KPNA4: variants seen among roughly 807,000 people sequenced by gnomAD.
The protein encoded by KPNA4 is importin subunit alpha-3.
In KPNA4, 13 loss-of-function variants were observed where a neutral mutation model predicts 71.3. The observed-to-expected ratio is 0.18, with a 90% confidence interval of 0.12 to 0.29. The LOEUF is 0.29. Ranked by LOEUF, KPNA4 falls within the 10% of genes least tolerant of loss-of-function variation. KPNA4 has a pLI of 1.00. For synonymous variants in KPNA4, 189 were observed against 195.2 expected, an observed-to-expected ratio of 0.97 and a Z score of 0.26; for missense variants, 334 against 603.2, an observed-to-expected ratio of 0.55 and a Z score of 4.67.
At chr3:160,527,477 T>C (rs1318036536) in intron 8 of KPNA4, among the ~76,000 whole-genome samples, 1 of 152,236 alleles carries the variant, frequency 6.6e-6, no homozygotes. Flanking sequence ...TTTTATACAT[T>C]ACTAAATTCT....
At chr3:160,547,806 G>T (rs1294509185) in intron 1 of KPNA4, among the ~76,000 whole-genome samples, 5 of 152,140 alleles carry the variant, frequency 3.3e-5, no homozygotes, top group Non-Finnish European at 5.9e-5. Flanking sequence ...ATAGTTGGAA[G>T]TATAGAGTAT....
chr3:160,564,907 C>T (rs1722310505), intron 1 of KPNA4, among the ~76,000 whole-genome samples: 1 of 146,998 alleles, frequency 6.8e-6, no homozygotes, highest in Non-Finnish European at 1.5e-5. Context: ...ACGCCTCCTC[C>T]GCACGCGCCG....
intron 5 of KPNA4, among the ~76,000 whole-genome samples, chr3:160,534,478 G>A (rs1424234594): frequency 6.6e-6 from 1 of 151,980 alleles, no homozygotes; most frequent in Non-Finnish European, 1.5e-5. Flanking sequence ...CCAGCACTTT[G>A]GGAGGCTGAG....
intron 13 of KPNA4, among the ~76,000 whole-genome samples, chr3:160,510,578 TAAATA>T (rs1721070424): frequency 6.6e-6 from 1 of 152,196 alleles, no homozygotes. Flanking sequence ...AAAAACCACA[TAAATA>T]AAAGAAATGC....
chr3:160,548,635 CTTTT>C (rs1721977704), intron 1 of KPNA4, among the ~76,000 whole-genome samples: 1 of 152,134 alleles, frequency 6.6e-6, no homozygotes, highest in Non-Finnish European at 1.5e-5. Context: ...AATTTCCTTC[CTTTT>C]TAAGTCTAAA....
intron 11 of KPNA4, among the ~76,000 whole-genome samples, chr3:160,515,817 G>C (rs1308835567): frequency 6.6e-6 from 1 of 152,056 alleles, no homozygotes; most frequent in Non-Finnish European, 1.5e-5. Context: ...GTTTCACCAT[G>C]TTGCCCAGGC....
chr3:160,504,093 A>G (rs1391417067), intron 16 of KPNA4, among the ~76,000 whole-genome samples: 1 of 152,214 alleles, frequency 6.6e-6, no homozygotes, highest in East Asian at 1.9e-4. Flanking sequence ...GAAAGAAAAA[A>G]AACTTTTCTT....
At position 160,508,100 on chromosome 3, in the gene KPNA4, A is replaced by C. The variant is rs1054125170; in HGVS notation, c.1372+7T>G. ...AGATGTGGAATAAGAGCTTATAATAAACTTACCTCCACATTCTTCTATAAG... is the reference window on the plus strand; with the variant it reads ...AGATGTGGAATAAGAGCTTATAATACACTTACCTCCACATTCTTCTATAAG... On this transcript the variant is annotated splice_region_variant and intron_variant, in intron 15 of 16. Coordinates refer to ENST00000334256, the MANE Select transcript of KPNA4 (RefSeq NM_002268.5). The C allele has an allele frequency of 6.3e-7, 1 of 1,592,708 alleles. No individual in the cohort carries two copies. The highest frequency in any genetic ancestry group is 1.4e-5 in the African/African-American group (1 of 73,866).
chr3:160,553,730 A>G (rs1305397538), intron 1 of KPNA4, among the ~76,000 whole-genome samples: 1 of 152,242 alleles, frequency 6.6e-6, no homozygotes, highest in African/African-American at 2.4e-5. Flanking sequence ...CCTAATGGCA[A>G]ATAACGAAAG....
chr3:160,510,535 G>C (rs1390435524), intron 13 of KPNA4, among the ~76,000 whole-genome samples: 1 of 151,982 alleles, frequency 6.6e-6, no homozygotes. Flanking sequence ...ATTAAGACAA[G>C]TGGCAACCTG....
At chr3:160,548,634 CCTTTTT>C (rs1234469789) in intron 1 of KPNA4, among the ~76,000 whole-genome samples, 2 of 152,092 alleles carry the variant, frequency 1.3e-5, no homozygotes, top group East Asian at 1.9e-4. Context: ...GAATTTCCTT[CCTTTTT>C]AAGTCTAAAT....
chr3:160,532,000 C>T (rs1157346216), intron 5 of KPNA4, among the ~76,000 whole-genome samples: 1 of 152,136 alleles, frequency 6.6e-6, no homozygotes, highest in Non-Finnish European at 1.5e-5. Context: ...TCATGTTTGC[C>T]AGGCTGGTCT....
At chr3:160,548,225 G>A (rs1382899752) in intron 1 of KPNA4, among the ~76,000 whole-genome samples, 1 of 151,890 alleles carries the variant, frequency 6.6e-6, no homozygotes, top group Non-Finnish European at 1.5e-5. Context: ...TGTTGTTGTT[G>A]GTGGTGGTGG....
chr3:160,508,244 A>G lies in KPNA4; in HGVS notation c.1235T>C (p.Val412Ala), dbSNP rs1283712965. ...DQVAYLIQQN[V>A]IPPFCNLLTV... The stretch of plus-strand genomic sequence containing the variant: ...CAGCAAGTTGCAAAAAGGTGGGATA[A>G]CATTTTGTTGGATAAGGTAAGCCAC... The change falls in exon 15 of 17, where the codon GTT (valine) becomes GCT (alanine). Residue 412 changes from valine (V) to alanine (A), a missense_variant. Physicochemically the swap from Val to Ala is moderately conservative, Grantham distance 64. Coordinates refer to ENST00000334256, the MANE Select transcript of KPNA4 (RefSeq NM_002268.5). 1 of 1,610,426 alleles carries G rather than the reference A, an allele frequency of 6.2e-7. No individual in the cohort carries two copies.
intron 16 of KPNA4, among the ~76,000 whole-genome samples, chr3:160,502,929 G>A (rs1024085705): frequency 3.3e-5 from 5 of 152,044 alleles, no homozygotes; most frequent in Non-Finnish European, 7.4e-5. Context: ...TGGCCAACGT[G>A]GCGAAACCCC....
At chr3:160,521,180 AAAG>A (rs1460769238) in intron 11 of KPNA4, among the ~76,000 whole-genome samples, 2 of 152,232 alleles carry the variant, frequency 1.3e-5, no homozygotes, top group African/African-American at 2.4e-5. Flanking sequence ...GAAGAAAAAA[AAAG>A]AAGTAGGGAA....
intron 10 of KPNA4, among the ~76,000 whole-genome samples, chr3:160,523,658 G>T (rs79232933): frequency 0.22 from 33,942 of 152,012 alleles, 4,187 homozygotes; most frequent in Non-Finnish European, 0.28. Flanking sequence ...GACCAGCCTG[G>T]CCAACATAGT....
intron 13 of KPNA4, among the ~76,000 whole-genome samples, chr3:160,511,420 AC>A (rs1208556669): frequency 6.6e-6 from 1 of 152,196 alleles, no homozygotes; most frequent in Non-Finnish European, 1.5e-5. Flanking sequence ...TCTTTAAAGT[AC>A]TATTTAACAA....
intron 11 of KPNA4, among the ~76,000 whole-genome samples, chr3:160,518,309 G>C (rs765502181): frequency 5.3e-5 from 8 of 150,818 alleles, no homozygotes; most frequent in Non-Finnish European, 1.0e-4. Flanking sequence ...CTAATTTTTT[G>C]TATTTTTAGT....
Sources: allele counts gnomAD v4.1 joint callset (sites outside exome capture counted in the v4.1 genomes callset), GRCh38; gene constraint gnomAD v4.1.1; transcripts MANE v1.5; gene names NCBI Gene and HGNC (gene_info 2026-07-23, HGNC 2026-07-21).